Variants in PACSIN1 observed in about 807,000 individuals in gnomAD.
PACSIN1 encodes the protein protein kinase C and casein kinase substrate in neurons 1, also known as protein kinase C and casein kinase substrate in neurons protein 1.
In PACSIN1, 15 loss-of-function variants were observed where a neutral mutation model predicts 59.5. The ratio of observed to expected loss-of-function variants is 0.25; its 90% CI spans 0.17 to 0.39. The LOEUF (loss-of-function observed/expected upper bound fraction) is 0.39. PACSIN1 is among the 10% of genes least tolerant of loss of function. PACSIN1 has a pLI of 1.00. For missense variants in PACSIN1, 420 were observed against 580.2 expected (o/e 0.72, Z 2.84); for synonymous variants, 210 against 220.6 (o/e 0.95, Z 0.42).
chr6:34,499,658 T>G (rs2127257534), intron 1 of PACSIN1, among the ~76,000 whole-genome samples: 1 of 151,970 alleles, frequency 6.6e-6, no homozygotes, highest in South Asian at 2.1e-4. Context: ...TATGCAGGCA[T>G]GGTGACGGGC....
intron 1 of PACSIN1, among the ~76,000 whole-genome samples, chr6:34,501,557 G>T (rs945497182): frequency 6.6e-6 from 1 of 152,228 alleles, no homozygotes; most frequent in African/African-American, 2.4e-5. Context: ...GCCCCAAGCT[G>T]TCAGCTCCCC....
chr6:34,475,596 G>A (rs144295649), intron 1 of PACSIN1, among the ~76,000 whole-genome samples: 164 of 152,240 alleles, frequency 1.1e-3, no homozygotes, highest in Non-Finnish European at 2.1e-3. Context: ...AGCTGCTCCC[G>A]GGGAAGGGCC....
intron 1 of PACSIN1, among the ~76,000 whole-genome samples, chr6:34,503,788 G>A (rs943159095): frequency 1.3e-5 from 2 of 152,120 alleles, no homozygotes; most frequent in African/African-American, 2.4e-5. Flanking sequence ...TAAAATTGAA[G>A]TATAACACAT....
intron 1 of PACSIN1, among the ~76,000 whole-genome samples, chr6:34,475,333 T>C (rs1175662556): frequency 6.6e-6 from 1 of 152,250 alleles, no homozygotes; most frequent in South Asian, 2.1e-4. Context: ...AAACACATAT[T>C]TGTGCCTAGT....
chr6:34,490,621 C>G (rs1412192942), intron 1 of PACSIN1, among the ~76,000 whole-genome samples: 2 of 152,220 alleles, frequency 1.3e-5, no homozygotes, highest in African/African-American at 4.8e-5. Flanking sequence ...AGTTCTGTAA[C>G]TGCAGCTCCA....
chr6:34,484,708 G>A (rs1410551169), intron 1 of PACSIN1, among the ~76,000 whole-genome samples: 1 of 151,790 alleles, frequency 6.6e-6, no homozygotes. Flanking sequence ...GGTGGGAGAG[G>A]GTGTATGGGA....
intron 1 of PACSIN1, among the ~76,000 whole-genome samples, chr6:34,482,755 C>T (rs1410869471): frequency 6.6e-6 from 1 of 151,340 alleles, no homozygotes; most frequent in Non-Finnish European, 1.5e-5. Context: ...TATCGGCTCA[C>T]TGCAACCTTC....
At chr6:34,468,849 G>A (rs76456806) in intron 1 of PACSIN1, among the ~76,000 whole-genome samples, 5,409 of 152,294 alleles carry the variant, frequency 0.036, 218 homozygotes, top group African/African-American at 0.1. Context: ...TGCTGTTTCC[G>A]GTGGCCCCAT....
At chr6:34,498,218 C>G (rs567950572) in intron 1 of PACSIN1, among the ~76,000 whole-genome samples, 1 of 152,064 alleles carries the variant, frequency 6.6e-6, no homozygotes, top group Non-Finnish European at 1.5e-5. Flanking sequence ...CGCGCCGCCA[C>G]GCCTGGCTAA....
intron 1 of PACSIN1, among the ~76,000 whole-genome samples, chr6:34,494,996 G>T (rs1561960675): frequency 6.6e-6 from 1 of 152,044 alleles, no homozygotes; most frequent in Non-Finnish European, 1.5e-5. Flanking sequence ...AAGTCATTTG[G>T]CTCAGTTCAA....
At chr6:34,484,383 A>G (rs1383328592) in intron 1 of PACSIN1, among the ~76,000 whole-genome samples, 1 of 152,240 alleles carries the variant, frequency 6.6e-6, no homozygotes, top group African/African-American at 2.4e-5. Context: ...CAACTAGATA[A>G]CATTCTGGAA....
intron 1 of PACSIN1, among the ~76,000 whole-genome samples, chr6:34,473,351 C>G (rs778516883): frequency 3.9e-5 from 6 of 152,100 alleles, no homozygotes; most frequent in Non-Finnish European, 8.8e-5. Context: ...GGACATGGGT[C>G]GTGAGGCTGG....
At position 34,488,953 on chromosome 6, in the gene PACSIN1, G is replaced by T. The variant is rs557997474; in HGVS notation, c.-64+22683G>T. Among the ~76,000 whole-genome samples the T allele has an allele frequency of 1.1e-4, 17 of 152,280 alleles. No individual in the cohort carries two copies. The East Asian group carries it at 3.3e-3, about 30-fold the overall frequency. ...CCTAATACTTTGGGAGGCCGAGGCA[G>T]GTGGATCACTTGAGCCCAGAAGTTC... On this transcript the variant is annotated intron_variant, in intron 1 of 9. Coordinates refer to ENST00000244458, the MANE Select transcript of PACSIN1 (RefSeq NM_020804.5). This position sits in a 1 kb window ranked among gnomAD's most constrained non-coding sequence, Gnocchi z 4.7.
chr6:34,530,327 T>C lies in PACSIN1; in HGVS notation c.873T>C (p.Ser291=), dbSNP rs1303356618. 1 of 1,613,846 alleles carries C rather than the reference T, an allele frequency of 6.2e-7. No homozygotes were observed. Among genetic ancestry groups the C allele is most frequent in the Non-Finnish European group, 8.5e-7 (1 of 1,179,946 alleles). ...ACCTCAGATGGTTCCGCAGCACCAG[T>C]GGCCCCGGCATGCCCATGAACTGGC... ...QEDLRWFRST[S]GPGMPMNWPQ... The change falls in exon 7 of 10, where the codon AGT becomes AGC. Residue 291 remains serine, a synonymous_variant. Transcript: ENST00000244458. The surrounding 1 kb of genome is among the most constrained non-coding windows in gnomAD (Gnocchi z 4.4).
At chr6:34,522,263 T>A (rs78862324) in intron 1 of PACSIN1, among the ~76,000 whole-genome samples, 1 of 152,354 alleles carries the variant, frequency 6.6e-6, no homozygotes, top group African/African-American at 2.4e-5. Flanking sequence ...TCAAAGGCCA[T>A]GCGTGCACTA....
rs1263221871 is a variant in PACSIN1 at position 34,527,493 on chromosome 6, TCCCCCAGGCTCACATCGTGCGCG to T, written c.220+15_220+37del. On this transcript the variant is annotated splice_donor_region_variant and intron_variant, in intron 3 of 9. Transcript: ENST00000244458. Reference sequence around the variant, plus strand: ...GGCGCCAGCTCATCGAGAAAGGTGCTCCCCCAGGCTCACATCGTGCGCGCCCCCAGGCCGTCACGAGCCCCCTA... The same window carrying T: ...GGCGCCAGCTCATCGAGAAAGGTGCTCCCCCAGGCCGTCACGAGCCCCCTA... The T allele has an allele frequency of 6.3e-7, 1 of 1,582,966 alleles. No homozygotes were observed. The highest frequency in any genetic ancestry group is 8.6e-7 in the Non-Finnish European group (1 of 1,166,684).
chr6:34,500,633 T>TA (rs1767010968), intron 1 of PACSIN1, among the ~76,000 whole-genome samples: 1 of 152,220 alleles, frequency 6.6e-6, no homozygotes, highest in Non-Finnish European at 1.5e-5. Flanking sequence ...GGCTTCAACT[T>TA]AAAATCACCA....
At chr6:34,507,282 G>A (rs1767130136) in intron 1 of PACSIN1, among the ~76,000 whole-genome samples, 1 of 152,072 alleles carries the variant, frequency 6.6e-6, no homozygotes, top group Non-Finnish European at 1.5e-5. Context: ...AAAACCCAGG[G>A]AACTCACTGC....
Position 34,533,562 on chromosome 6 carries a change from G to A in PACSIN1, c.*1032G>A, listed in dbSNP as rs1403075650. The A allele has an allele frequency of 6.6e-6, 1 of 152,316 alleles. No individual in the cohort carries two copies. The highest frequency in any genetic ancestry group is 1.5e-5 in the Non-Finnish European group (1 of 68,114). The allele number at this position is 152,316 out of a possible 1,614,324, so 9.4% of individuals were successfully genotyped here. A position where few individuals can be genotyped will look rare whatever the true frequency, so the allele number is the denominator to read the frequency against. On this transcript the variant is annotated 3_prime_UTR_variant, in exon 10 of 10. Coordinates refer to ENST00000244458, the MANE Select transcript of PACSIN1 (RefSeq NM_020804.5). ...ATCAGCCTCCATGAGGCCAAGCCTT[G>A]TACCTGCAAGGCTCTTGGCCTAACC...
Sources: gnomAD v4.1 joint callset for allele counts (sites outside exome capture counted in the v4.1 genomes callset) on GRCh38, gnomAD v4.1.1 for gene constraint, Gnocchi (gnomAD v3.1) non-coding constraint, MANE v1.5 for transcripts, NCBI Gene and HGNC (gene_info 2026-07-23, HGNC 2026-07-21) for gene names.